The following ZFAT variants were observed in gnomAD, a reference collection of about 807,000 sequenced individuals.
ZFAT encodes the protein zinc finger and AT-hook domain containing.
In ZFAT, 64 loss-of-function variants were observed where a neutral mutation model predicts 117.7. The observed-to-expected ratio is 0.54, with a 90% CI of 0.44 to 0.67. The LOEUF is 0.67. Among genes scored for constraint, ZFAT ranks in the 30% least tolerant of loss-of-function variants. The probability of loss-of-function intolerance (pLI) is 0.00; values close to 1 mark genes in which losing one functional copy is unlikely to be tolerated. For synonymous variants in ZFAT, 679 were observed against 615.0 expected, an observed-to-expected ratio of 1.10 and a Z score of -1.54; for missense variants, 1,433 against 1,584.5, an observed-to-expected ratio of 0.90 and a Z score of 1.62.
chr8:134,717,466 C>CTTTTTTTTGTTTTTTTTT (rs1814224084), upstream of ZFAT, among the ~76,000 whole-genome samples: 1 of 19,334 alleles, frequency 5.2e-5, no homozygotes, highest in Non-Finnish European at 1.3e-4. Context: ...AATAACAACT[C>CTTTTTTTTGTTTTTTTTT]TTTTTTTTTT....
At chr8:134,774,008 T>C in the ZFAT span, among the ~76,000 whole-genome samples, 2 of 143,726 alleles carry the variant, frequency 1.4e-5, no homozygotes, top group Non-Finnish European at 3.0e-5. Flanking sequence ...TTTTTTTTTT[T>C]TTTTGAGACG....
At chr8:134,781,898 A>G in the ZFAT span, among the ~76,000 whole-genome samples, 1 of 152,250 alleles carries the variant, frequency 6.6e-6, no homozygotes. Flanking sequence ...AGCTTAAAGA[A>G]TAGAGTATAT....
rs1554615159 is a variant in ZFAT, at chr8:134,653,270, T to TTTAAA, written c.196+4290_196+4291insTTTAA. On this transcript the variant is annotated intron_variant, in intron 2 of 15. Coordinates refer to ENST00000377838, the MANE Select transcript of ZFAT (RefSeq NM_020863.4). ...TTGGAACCAACCCAAATGTCTTTTTTAAAAAAAAAAAAAAAAAAAAACAAA... is the reference window on the plus strand; with the variant it reads ...TTGGAACCAACCCAAATGTCTTTTTTTTAAAAAAAAAAAAAAAAAAAAAAAACAAA... Among the ~76,000 whole-genome samples, 16 of 91,880 alleles carry TTTAAA rather than the reference T, an allele frequency of 1.7e-4. 1 individual carries two copies. The highest frequency in any genetic ancestry group is 4.2e-4 in the South Asian group (1 of 2,398). 60.3% of individuals were successfully genotyped at this position (91,880 alleles called of 152,430 possible).
chr8:134,633,691 A>G (rs564938971), intron 3 of ZFAT, among the ~76,000 whole-genome samples: 6 of 152,358 alleles, frequency 3.9e-5, no homozygotes, highest in Non-Finnish European at 7.3e-5. Context: ...TGTGTGACCA[A>G]AGCCAACGGC....
At chr8:134,763,145 A>G in the ZFAT span, among the ~76,000 whole-genome samples, 1 of 152,270 alleles carries the variant, frequency 6.6e-6, no homozygotes, top group Non-Finnish European at 1.5e-5. Context: ...AGAAATAAAA[A>G]TAATATCATC....
intron 7 of ZFAT, among the ~76,000 whole-genome samples, chr8:134,596,076 C>A (rs915530965): frequency 2.6e-5 from 4 of 152,220 alleles, no homozygotes; most frequent in African/African-American, 9.7e-5. Context: ...CACGCTGGTG[C>A]AAGGTCTCGC....
At chr8:134,722,804 G>T in the ZFAT span, 1 of 152,254 alleles carries the variant, frequency 6.6e-6, no homozygotes, top group African/African-American at 2.4e-5. Context: ...TAACTCGTAT[G>T]TTGAAATCCT....
At chr8:134,702,142 T>C (rs1331450407) in intron 1 of ZFAT, among the ~76,000 whole-genome samples, 2 of 152,232 alleles carry the variant, frequency 1.3e-5, no homozygotes, top group African/African-American at 4.8e-5. Flanking sequence ...CCTCACCAGA[T>C]GCAGCCCCTT....
At chr8:134,772,648 A>G in the ZFAT span, among the ~76,000 whole-genome samples, 1 of 152,242 alleles carries the variant, frequency 6.6e-6, no homozygotes. Flanking sequence ...AGTGATCCAG[A>G]AAGTCTAGCT....
In ZFAT at chr8:134,478,478, T is replaced by A. The variant is rs746322518; in HGVS notation, c.*4A>T. On this transcript the variant is annotated 3_prime_UTR_variant, in exon 16 of 16. Coordinates refer to ENST00000377838, the MANE Select transcript of ZFAT (RefSeq NM_020863.4). The surrounding 1 kb of genome is among the most constrained non-coding windows in gnomAD (Gnocchi z 5.2). ...CCCTGTGGCCATCCGATGCCACATG[T>A]CCTCTAGAGTTCCTGGGCCGGCTGC... The A allele has an allele frequency of 1.2e-5, 19 of 1,559,430 alleles. No individual in the cohort carries two copies. Among genetic ancestry groups the A allele is most frequent in the South Asian group, 5.9e-5 (5 of 84,424 alleles).
At chr8:134,729,102 C>T in the ZFAT span, among the ~76,000 whole-genome samples, 1 of 152,234 alleles carries the variant, frequency 6.6e-6, no homozygotes, top group Non-Finnish European at 1.5e-5. Flanking sequence ...AGCTTCATCT[C>T]TAACTAATAC....
At chr8:134,780,113 A>G in the ZFAT span, among the ~76,000 whole-genome samples, 2 of 152,228 alleles carry the variant, frequency 1.3e-5, no homozygotes, top group African/African-American at 4.8e-5. Flanking sequence ...TGTATGTTAC[A>G]TTACAGGCTT....
chr8:134,607,921 A>G (rs1268482580), intron 5 of ZFAT, among the ~76,000 whole-genome samples: 1 of 152,246 alleles, frequency 6.6e-6, no homozygotes, highest in Non-Finnish European at 1.5e-5. Flanking sequence ...ATGTCAGTTA[A>G]GCACTAGGCA....
the ZFAT span, among the ~76,000 whole-genome samples, chr8:134,719,735 C>G: frequency 6.6e-6 from 1 of 152,302 alleles, no homozygotes; most frequent in South Asian, 2.1e-4. Context: ...TCGCTTCCAG[C>G]TGTGAATGTG....
At chr8:134,633,907 G>A (rs566790833) in intron 3 of ZFAT, among the ~76,000 whole-genome samples, 88 of 152,242 alleles carry the variant, frequency 5.8e-4, no homozygotes, top group Middle Eastern at 6.8e-3. Context: ...TTAGCCGGGC[G>A]TGGTGGCAGA....
the ZFAT span, among the ~76,000 whole-genome samples, chr8:134,812,065 A>T: frequency 1.6e-3 from 244 of 152,284 alleles, 2 homozygotes; most frequent in African/African-American, 5.7e-3. Flanking sequence ...AATAGCCTGA[A>T]CCTGGGAGGC....
chr8:134,497,175 G>A (rs1818507655), intron 15 of ZFAT, among the ~76,000 whole-genome samples: 1 of 152,126 alleles, frequency 6.6e-6, no homozygotes, highest in African/African-American at 2.4e-5. Context: ...GGGCGATGGA[G>A]AGCTTCTATT....
the ZFAT span, among the ~76,000 whole-genome samples, chr8:134,813,152 A>G: frequency 3.3e-5 from 5 of 152,376 alleles, no homozygotes; most frequent in South Asian, 1.0e-3. Flanking sequence ...AAATACTTGC[A>G]AAGTTCAGTT....
At chr8:134,649,924 C>T (rs536126286) in intron 2 of ZFAT, among the ~76,000 whole-genome samples, 49 of 152,106 alleles carry the variant, frequency 3.2e-4, no homozygotes, top group Non-Finnish European at 4.0e-4. Flanking sequence ...ATGCCGTTCT[C>T]GTGATAAGTG....
Sources: allele counts gnomAD v4.1 joint callset (sites outside exome capture counted in the v4.1 genomes callset), GRCh38; gene constraint gnomAD v4.1.1; non-coding constraint Gnocchi (gnomAD v3.1); transcripts MANE v1.5; gene names NCBI Gene and HGNC (gene_info 2026-07-23, HGNC 2026-07-21).